SYT1: variants seen among roughly 807,000 people sequenced by gnomAD.
SYT1 encodes the protein synaptotagmin 1, also known as synaptotagmin-1.
In SYT1, 8 loss-of-function variants were observed where a neutral mutation model predicts 44.8. The observed-to-expected ratio is 0.18, with a 90% confidence interval of 0.10 to 0.32. The LOEUF (loss-of-function observed/expected upper bound fraction) is 0.32, where lower values mean the gene tolerates loss of function less well. SYT1 is among the 10% of genes least tolerant of loss of function. SYT1 has a pLI of 1.00. For missense variants in SYT1, 286 were observed against 509.3 expected, an observed-to-expected ratio of 0.56 and a Z score of 4.22; for synonymous variants, 154 against 188.8, an observed-to-expected ratio of 0.82 and a Z score of 1.51.
intron 5 of SYT1, 129 bp downstream of exon 5, chr12:79,286,100 C>T (rs141317451): frequency 1.8e-5 from 18 of 1,021,720 alleles, no homozygotes; most frequent in African/African-American, 1.7e-4. Context: ...GCTTTGCAAA[C>T]CTTTCAGTCA....
At chr12:79,259,420 A>G (rs564543231) in intron 4 of SYT1, among the ~76,000 whole-genome samples, 23 of 152,358 alleles carry the variant, frequency 1.5e-4, no homozygotes, top group Non-Finnish European at 2.9e-4. Context: ...TAAATTAGGC[A>G]TGTAAAACAA....
At chr12:79,385,034 T>C (rs2136080747) in intron 9 of SYT1, among the ~76,000 whole-genome samples, 1 of 140,258 alleles carries the variant, frequency 7.1e-6, no homozygotes, top group African/African-American at 2.5e-5. Context: ...TCACCCAGGC[T>C]GGAGTGCAAT....
chr12:79,231,184 T>C (rs938901559), intron 4 of SYT1, among the ~76,000 whole-genome samples: 3 of 152,162 alleles, frequency 2.0e-5, no homozygotes, highest in African/African-American at 7.2e-5. Context: ...AGGGAATGTA[T>C]GAGATATACC....
chr12:79,286,791 T>C (rs1206629368), intron 5 of SYT1, among the ~76,000 whole-genome samples: 2 of 152,160 alleles, frequency 1.3e-5, no homozygotes, highest in African/African-American at 4.8e-5. Context: ...ATAATATCCA[T>C]GTTGAATATC....
chr12:78,969,263 A>G (rs979347687), intron 1 of SYT1, among the ~76,000 whole-genome samples: 1 of 152,228 alleles, frequency 6.6e-6, no homozygotes, highest in East Asian at 1.9e-4. Context: ...CAAAGATTTT[A>G]GTATTTACAG....
intron 4 of SYT1, among the ~76,000 whole-genome samples, chr12:79,280,201 A>T (rs1878971085): frequency 6.6e-6 from 1 of 152,170 alleles, no homozygotes. Flanking sequence ...CCTAAACAAA[A>T]ATAACAAATC....
At chr12:79,328,572 T>C (rs1440211047) in intron 8 of SYT1, among the ~76,000 whole-genome samples, 2 of 152,056 alleles carry the variant, frequency 1.3e-5, no homozygotes, top group Non-Finnish European at 2.9e-5. Flanking sequence ...CATGGCCGGG[T>C]GCGGTGGCTC....
At chr12:79,345,897 T>C (rs1882585938) in intron 8 of SYT1, among the ~76,000 whole-genome samples, 1 of 152,224 alleles carries the variant, frequency 6.6e-6, no homozygotes, top group Admixed American at 6.5e-5. Flanking sequence ...TCTCCATTTG[T>C]ATGTCACCTC....
At chr12:79,108,273 T>G (rs1358044311) in intron 3 of SYT1, among the ~76,000 whole-genome samples, 1 of 151,930 alleles carries the variant, frequency 6.6e-6, no homozygotes, top group East Asian at 1.9e-4. Context: ...TTTTAAAAAG[T>G]TGTTAAAGCA....
intron 8 of SYT1, among the ~76,000 whole-genome samples, chr12:79,325,785 C>G (rs564478268): frequency 1.3e-5 from 2 of 152,302 alleles, no homozygotes; most frequent in African/African-American, 4.8e-5. Context: ...CTTTAATGTT[C>G]TCATGCATAA....
chr12:79,388,771 TAC>T (rs1438536964), intron 9 of SYT1, among the ~76,000 whole-genome samples: 1 of 152,178 alleles, frequency 6.6e-6, no homozygotes, highest in East Asian at 1.9e-4. Context: ...TTCCATGTTC[TAC>T]TCATAGAAAA....
intron 9 of SYT1, among the ~76,000 whole-genome samples, chr12:79,381,223 G>A (rs554521546): frequency 1.3e-5 from 2 of 152,204 alleles, no homozygotes; most frequent in East Asian, 3.9e-4. Flanking sequence ...TTCCATTTTC[G>A]AAAGATTATA....
At chr12:79,214,207 C>T (rs933027599) in intron 3 of SYT1, among the ~76,000 whole-genome samples, 1 of 152,100 alleles carries the variant, frequency 6.6e-6, no homozygotes, top group African/African-American at 2.4e-5. Flanking sequence ...TTTTAAATTT[C>T]ACAGTGGTAT....
At chr12:79,343,700 T>C (rs1338112591) in intron 8 of SYT1, among the ~76,000 whole-genome samples, 1 of 152,238 alleles carries the variant, frequency 6.6e-6, no homozygotes, top group Non-Finnish European at 1.5e-5. Flanking sequence ...AATATTTCTG[T>C]CTTTCTATAA....
At chr12:79,036,756 A>T (rs916960355) in intron 2 of SYT1, among the ~76,000 whole-genome samples, 1 of 151,676 alleles carries the variant, frequency 6.6e-6, no homozygotes, top group Non-Finnish European at 1.5e-5. Flanking sequence ...TCCTTTATTC[A>T]TCTTTTCTAT....
intron 3 of SYT1, among the ~76,000 whole-genome samples, chr12:79,070,142 G>A (rs767753417): frequency 6.6e-5 from 10 of 151,938 alleles, no homozygotes; most frequent in Admixed American, 2.0e-4. Flanking sequence ...TTATATAACC[G>A]TAGTGGATCT....
chr12:78,918,661 C>A (rs540340266), intron 1 of SYT1, among the ~76,000 whole-genome samples: 161 of 152,064 alleles, frequency 1.1e-3, no homozygotes, highest in African/African-American at 3.6e-3. Context: ...CAGAAAAAAA[C>A]CAAACAGAGC....
intron 3 of SYT1, among the ~76,000 whole-genome samples, chr12:79,077,035 C>G (rs559344098): frequency 6.6e-6 from 1 of 152,298 alleles, no homozygotes; most frequent in East Asian, 1.9e-4. Flanking sequence ...TGACAAAGTT[C>G]AGGTGTTTTA....
intron 9 of SYT1, among the ~76,000 whole-genome samples, chr12:79,438,676 A>G (rs905179598): frequency 6.6e-6 from 1 of 152,054 alleles, no homozygotes; most frequent in East Asian, 1.9e-4. Context: ...AACAAGGTCT[A>G]TATCCTCTTC....
Sources: gnomAD v4.1 joint callset for allele counts (sites outside exome capture counted in the v4.1 genomes callset) on GRCh38, gnomAD v4.1.1 for gene constraint, MANE v1.5 for transcripts, NCBI Gene and HGNC (gene_info 2026-07-23, HGNC 2026-07-21) for gene names.